Variants in PRKCH observed in about 807,000 individuals in gnomAD.
PRKCH encodes the protein protein kinase C eta type.
A neutral mutation model predicts 82.5 loss-of-function variants in PRKCH; 28 were observed. The ratio of observed to expected loss-of-function variants is 0.34; its 90% CI spans 0.25 to 0.47. PRKCH has a LOEUF of 0.47. Ranked by LOEUF, PRKCH falls within the 20% of genes least tolerant of loss-of-function variation. PRKCH has a pLI of 1.00. For missense variants in PRKCH, 705 were observed against 881.8 expected, an observed-to-expected ratio of 0.80 and a Z score of 2.54; for synonymous variants, 322 against 327.4, an observed-to-expected ratio of 0.98 and a Z score of 0.18.
intron 1 of PRKCH, among the ~76,000 whole-genome samples, chr14:61,369,649 T>C (rs1594952966): frequency 6.6e-6 from 1 of 152,230 alleles, no homozygotes; most frequent in Non-Finnish European, 1.5e-5. Flanking sequence ...TATTGAGAAA[T>C]ATGATTGCAG....
intron 2 of PRKCH, among the ~76,000 whole-genome samples, chr14:61,418,755 G>C (rs1385936975): frequency 1.3e-5 from 2 of 152,202 alleles, no homozygotes; most frequent in African/African-American, 4.8e-5. Flanking sequence ...TCCCATGAGA[G>C]TAAGGATGTT....
chr14:61,457,017 G>T (rs1335652324), intron 7 of PRKCH, 159 bp from the exon 8 acceptor site: 4 of 718,548 alleles, frequency 5.6e-6, no homozygotes, highest in African/African-American at 5.4e-5. Context: ...TACTGAGGGA[G>T]TTTCGAGTGG....
At chr14:61,484,764 CTTTT>C (rs375542490) in intron 9 of PRKCH, among the ~76,000 whole-genome samples, 1 of 121,194 alleles carries the variant, frequency 8.3e-6, no homozygotes, top group Non-Finnish European at 1.7e-5. Flanking sequence ...ATTTGGCTTC[CTTTT>C]TTTTTTTTTT....
At chr14:61,472,737 A>C (rs1038170053) in intron 9 of PRKCH, among the ~76,000 whole-genome samples, 3 of 152,242 alleles carry the variant, frequency 2.0e-5, no homozygotes, top group Non-Finnish European at 4.4e-5. Context: ...CAAAACAAAA[A>C]GTAGAACCTT....
intron 3 of PRKCH, among the ~76,000 whole-genome samples, chr14:61,444,797 A>G (rs1200163469): frequency 6.6e-6 from 1 of 152,194 alleles, no homozygotes; most frequent in Non-Finnish European, 1.5e-5. Context: ...TTACTTGTAT[A>G]ATAAACTTTC....
chr14:61,472,375 A>C (rs991057812), intron 9 of PRKCH, among the ~76,000 whole-genome samples: 3 of 152,238 alleles, frequency 2.0e-5, no homozygotes, highest in Non-Finnish European at 2.9e-5. Context: ...CATCCTCCCA[A>C]ACCTGAACTT....
At chr14:61,521,920 C>A (rs182752400) in intron 10 of PRKCH, among the ~76,000 whole-genome samples, 1 of 152,314 alleles carries the variant, frequency 6.6e-6, no homozygotes, top group East Asian at 1.9e-4. Flanking sequence ...GGCTCAGTCC[C>A]AGGCTCTCTC....
chr14:61,213,814 T>C (rs925566167), intron 1 of PRKCH, among the ~76,000 whole-genome samples: 5 of 152,166 alleles, frequency 3.3e-5, no homozygotes, highest in African/African-American at 7.2e-5. Flanking sequence ...ACCATCATTG[T>C]TGGAATTGAA....
At chr14:61,256,315 G>A (rs1006459020) in intron 1 of PRKCH, among the ~76,000 whole-genome samples, 22 of 152,092 alleles carry the variant, frequency 1.4e-4, no homozygotes, top group Admixed American at 5.2e-4. Context: ...GTCTCCTGTC[G>A]TGACCTCCTT....
At chr14:61,494,434 A>G (rs973225507) in intron 10 of PRKCH, among the ~76,000 whole-genome samples, 4 of 152,236 alleles carry the variant, frequency 2.6e-5, no homozygotes, top group African/African-American at 9.6e-5. Flanking sequence ...GACGCTACAT[A>G]TATTCTTCCT....
At chr14:61,387,629 T>C (rs2046608324) in intron 1 of PRKCH, among the ~76,000 whole-genome samples, 1 of 152,198 alleles carries the variant, frequency 6.6e-6, no homozygotes, top group Non-Finnish European at 1.5e-5. Context: ...CGTGAATAAA[T>C]GATAACAGCC....
chr14:61,457,602 A>G lies in PRKCH; in HGVS notation c.1201A>G (p.Met401Val), dbSNP rs1884836370. ...GCAGGATGATGATGTGGAATGCACC[A>G]TGACCGAGAAAAGGATCCTGTCTCT... ...ILQDDDVECT[M>V]TEKRILSLAR... The change falls in exon 9 of 14, where the codon ATG becomes GTG. Residue 401 changes from methionine (M) to valine (V), a missense_variant. Met to Val is a conservative substitution (Grantham distance 21, BLOSUM62 1). Transcript: ENST00000332981. 1.2e-6 allele frequency: 2 copies of G among 1,614,218 alleles called. No individual in the cohort carries two copies. The highest frequency in any genetic ancestry group is 1.7e-6 in the Non-Finnish European group (2 of 1,180,048).
chr14:61,281,415 C>A (rs1324077716), intron 1 of PRKCH: 12 of 314,438 alleles, frequency 3.8e-5, no homozygotes, highest in Non-Finnish European at 7.3e-5. Context: ...ACCTCGCCCG[C>A]CCCTTCCGAG....
At chr14:61,483,341 C>T (rs938569721) in intron 9 of PRKCH, among the ~76,000 whole-genome samples, 1 of 152,230 alleles carries the variant, frequency 6.6e-6, no homozygotes, top group Non-Finnish European at 1.5e-5. Context: ...TCTGCCTCTC[C>T]CCTTGTCAGT....
intron 2 of PRKCH, among the ~76,000 whole-genome samples, chr14:61,413,811 G>A (rs1046375187): frequency 2.0e-5 from 3 of 152,102 alleles, no homozygotes; most frequent in African/African-American, 7.2e-5. Flanking sequence ...TCTTCCAGCC[G>A]CTACTTAAGC....
Position 61,457,488 on chromosome 14 carries a change from C to G in PRKCH, c.1105-18C>G. ...CCAAGAGGACTCCCTCATGCTCCCT[C>G]CTTTTGCTTTGCCATAGGTGATGCT... is the stretch of plus-strand genomic sequence containing the variant. On this transcript the variant is annotated intron_variant, in intron 8 of 13. Transcript: ENST00000332981. The G allele has an allele frequency of 6.2e-7, 1 of 1,612,338 alleles. No individual in the cohort carries two copies. The highest frequency in any genetic ancestry group is 2.2e-5 in the East Asian group (1 of 44,860).
intron 2 of PRKCH, among the ~76,000 whole-genome samples, chr14:61,405,749 C>A (rs10136624): frequency 0.018 from 2,791 of 152,176 alleles, 67 homozygotes; most frequent in African/African-American, 0.063. Context: ...AGTGATAGAT[C>A]TCTACTAAAT....
At chr14:61,547,119 G>C (rs895776104) in intron 12 of PRKCH, among the ~76,000 whole-genome samples, 12 of 152,162 alleles carry the variant, frequency 7.9e-5, no homozygotes, top group African/African-American at 1.9e-4. Flanking sequence ...CAGCAGTGGT[G>C]GGGGGAACAT....
At chr14:61,379,000 C>T (rs1359030230) in intron 1 of PRKCH, among the ~76,000 whole-genome samples, 2 of 152,218 alleles carry the variant, frequency 1.3e-5, no homozygotes, top group Non-Finnish European at 1.5e-5. Context: ...GACCTTGTAA[C>T]TTTCCTGATT....
Sources: allele counts gnomAD v4.1 joint callset (sites outside exome capture counted in the v4.1 genomes callset), GRCh38; gene constraint gnomAD v4.1.1; transcripts MANE v1.5; gene names NCBI Gene and HGNC (gene_info 2026-07-23, HGNC 2026-07-21).